Variants in ZFYVE9 observed in about 807,000 individuals in gnomAD.
ZFYVE9 encodes the protein zinc finger FYVE domain-containing protein 9.
A neutral mutation model predicts 126.7 loss-of-function variants in ZFYVE9; 43 were observed. That is an observed-to-expected ratio of 0.34 (90% confidence interval 0.27 to 0.44). ZFYVE9 has a LOEUF of 0.44. Ranked by LOEUF, ZFYVE9 falls within the 20% of genes least tolerant of loss-of-function variation. ZFYVE9 has a pLI of 1.00. For missense variants in ZFYVE9, 1,476 were observed against 1,697.0 expected, an observed-to-expected ratio of 0.87 and a Z score of 2.29; for synonymous variants, 521 against 597.4, an observed-to-expected ratio of 0.87 and a Z score of 1.87.
intron 4 of ZFYVE9, among the ~76,000 whole-genome samples, chr1:52,247,373 A>C (rs1402867750): frequency 6.6e-6 from 1 of 152,114 alleles, no homozygotes; most frequent in Non-Finnish European, 1.5e-5. Flanking sequence ...TACTAGTCAC[A>C]ATTTTTTATT....
chr1:52,229,642 A>T (rs1044080450), intron 2 of ZFYVE9, among the ~76,000 whole-genome samples: 3 of 152,214 alleles, frequency 2.0e-5, no homozygotes, highest in African/African-American at 7.2e-5. Flanking sequence ...ACATTAGCAC[A>T]TCAGGCTCTA....
chr1:52,330,805 C>T (rs1284704074), intron 13 of ZFYVE9, among the ~76,000 whole-genome samples: 2 of 152,166 alleles, frequency 1.3e-5, no homozygotes, highest in Non-Finnish European at 2.9e-5. Flanking sequence ...AGGTTTCAGC[C>T]TCATTTTACC....
At chr1:52,231,382 G>A (rs940945873) in intron 2 of ZFYVE9, among the ~76,000 whole-genome samples, 2 of 151,820 alleles carry the variant, frequency 1.3e-5, no homozygotes, top group African/African-American at 2.4e-5. Context: ...GCCAGGCATG[G>A]TGGCACACAC....
intron 12 of ZFYVE9, among the ~76,000 whole-genome samples, chr1:52,297,911 C>T (rs1453882376): frequency 6.7e-6 from 1 of 149,722 alleles, no homozygotes; most frequent in African/African-American, 2.5e-5. Flanking sequence ...TTAGTAGAGG[C>T]GCATGTTGGC....
chr1:52,186,929 A>C (rs770240632), intron 1 of ZFYVE9, among the ~76,000 whole-genome samples: 8 of 152,220 alleles, frequency 5.3e-5, no homozygotes, highest in Non-Finnish European at 1.0e-4. Context: ...TATTCCTATC[A>C]AACTATCAAT....
intron 15 of ZFYVE9, among the ~76,000 whole-genome samples, chr1:52,337,419 T>G (rs929026257): frequency 3.3e-5 from 5 of 152,222 alleles, no homozygotes; most frequent in South Asian, 2.1e-4. Context: ...GTGAGAGAGA[T>G]GGAGATGCAA....
intron 13 of ZFYVE9, among the ~76,000 whole-genome samples, chr1:52,309,908 A>C (rs959718316): frequency 2.6e-5 from 4 of 152,160 alleles, no homozygotes; most frequent in African/African-American, 9.7e-5. Flanking sequence ...TAAAATTTCT[A>C]ATCTCTTTTG....
chr1:52,180,210 C>T, intron 1 of ZFYVE9: 2 of 1,591,454 alleles, frequency 1.3e-6, no homozygotes, highest in Non-Finnish European at 1.7e-6. Context: ...AGGAATTCCC[C>T]TCTGTGCCCT....
chr1:52,243,031 T>G (rs1403895633), intron 4 of ZFYVE9, among the ~76,000 whole-genome samples: 1 of 152,226 alleles, frequency 6.6e-6, no homozygotes, highest in Non-Finnish European at 1.5e-5. Context: ...ATCTTGAGAT[T>G]GCCTCTGATT....
At chr1:52,269,045 C>T (rs1391794579) in intron 7 of ZFYVE9, among the ~76,000 whole-genome samples, 1 of 152,198 alleles carries the variant, frequency 6.6e-6, no homozygotes, top group Non-Finnish European at 1.5e-5. Flanking sequence ...TCAACATCCC[C>T]TACCAGAGTG....
intron 1 of ZFYVE9, among the ~76,000 whole-genome samples, chr1:52,213,718 C>G (rs1428442927): frequency 6.6e-6 from 1 of 152,074 alleles, no homozygotes; most frequent in African/African-American, 2.4e-5. Context: ...TCTTGAAACC[C>G]TCATAAAATG....
At chr1:52,184,230 T>TAG (rs1644742840) in intron 1 of ZFYVE9, among the ~76,000 whole-genome samples, 1 of 145,760 alleles carries the variant, frequency 6.9e-6, no homozygotes, top group African/African-American at 2.5e-5. Context: ...TAGATATATA[T>TAG]ATATATATTT....
rs1646420219 is a variant in ZFYVE9 at position 52,339,995 on chromosome 1, G to A, written c.3834-131G>A. On this transcript the variant is annotated intron_variant, in intron 16 of 18. Coordinates refer to ENST00000287727, the MANE Select transcript of ZFYVE9 (RefSeq NM_004799.4). The stretch of plus-strand genomic sequence containing the variant: ...TACAGTGGCTGCTTCTTGCTATGAT[G>A]TGCTGCACAGGTGTGTTCAGCAGGG... The A allele has an allele frequency of 1.0e-5, 7 of 696,298 alleles. No homozygotes were observed. The East Asian group carries it at 1.1e-4, about 11-fold the overall frequency. 43.1% of individuals were successfully genotyped at this position (696,298 alleles called of 1,614,324 possible).
At chr1:52,300,059 G>A (rs1019446318) in intron 12 of ZFYVE9, among the ~76,000 whole-genome samples, 1 of 152,120 alleles carries the variant, frequency 6.6e-6, no homozygotes, top group Non-Finnish European at 1.5e-5. Flanking sequence ...GGGAGGCAGT[G>A]CGGCAGAGGC....
intron 1 of ZFYVE9, among the ~76,000 whole-genome samples, chr1:52,177,183 C>T (rs1288761645): frequency 2.7e-5 from 4 of 149,356 alleles, no homozygotes; most frequent in African/African-American, 9.9e-5. Flanking sequence ...GACTCTCCCT[C>T]TTGTCACCCA....
intron 1 of ZFYVE9, among the ~76,000 whole-genome samples, chr1:52,202,932 C>T (rs1019550948): frequency 6.6e-6 from 1 of 151,676 alleles, no homozygotes; most frequent in African/African-American, 2.4e-5. Flanking sequence ...GTGATCCCCC[C>T]ATCTTGGCCT....
intron 10 of ZFYVE9, among the ~76,000 whole-genome samples, chr1:52,288,798 C>T (rs758335708): frequency 3.3e-5 from 5 of 151,656 alleles, no homozygotes; most frequent in Non-Finnish European, 7.4e-5. Context: ...TGGTGGTGAG[C>T]GCCTGTAGTC....
chr1:52,205,267 G>GT (rs1361461227), intron 1 of ZFYVE9, among the ~76,000 whole-genome samples: 1 of 151,762 alleles, frequency 6.6e-6, no homozygotes, highest in Non-Finnish European at 1.5e-5. Context: ...TAGCGATAGG[G>GT]TTTTGCAAAG....
chr1:52,327,960 C>G (rs150231843), intron 13 of ZFYVE9, among the ~76,000 whole-genome samples: 190 of 148,120 alleles, frequency 1.3e-3, no homozygotes, highest in African/African-American at 4.5e-3. Context: ...GCCAACAGAG[C>G]AAGACTCTGT....
Sources: gnomAD v4.1 joint callset for allele counts (sites outside exome capture counted in the v4.1 genomes callset) on GRCh38, gnomAD v4.1.1 for gene constraint, MANE v1.5 for transcripts, NCBI Gene and HGNC (gene_info 2026-07-23, HGNC 2026-07-21) for gene names.